The following C18orf63 variants were observed in gnomAD, a reference collection of about 807,000 sequenced individuals.
C18orf63 encodes the protein chromosome 18 open reading frame 63.
A neutral mutation model predicts 75.3 loss-of-function variants in C18orf63; 50 were observed. That is an observed-to-expected ratio of 0.66 (90% CI 0.53 to 0.84). The LOEUF (loss-of-function observed/expected upper bound fraction) is 0.84, where lower values mean the gene tolerates loss of function less well. C18orf63 is among the 40% of genes least tolerant of loss of function. C18orf63 has a pLI of 0.00. For synonymous variants in C18orf63, 232 were observed against 267.6 expected (o/e 0.87, Z 1.30); for missense variants, 732 against 800.2 (o/e 0.91, Z 1.03).
Position 74,327,996 on chromosome 18 carries a change from C to G in C18orf63, c.320C>G (p.Ser107Ter). The change falls in exon 5 of 14, where the codon TCA becomes TGA. Residue 107 changes from serine to a stop codon, truncating the protein, a stop_gained. Transcript: ENST00000579455. LOFTEE classifies it high-confidence loss of function. ...CCTGTAATTCTTCAGAACTGCCTGTCATATTCATTCATGGCTAGACTTGCT... is the reference window on the plus strand; with the variant it reads ...CCTGTAATTCTTCAGAACTGCCTGTGATATTCATTCATGGCTAGACTTGCT... ...VIPVILQNCL[S>*]YSFMARLAPA... 1 of 1,535,646 alleles carries G rather than the reference C, an allele frequency of 6.5e-7. No individual in the cohort carries two copies. Among genetic ancestry groups the G allele is most frequent in the South Asian group, 1.2e-5 (1 of 84,040 alleles).
At chr18:74,333,849 A>G (rs546717181) in intron 7 of C18orf63, among the ~76,000 whole-genome samples, 2 of 152,282 alleles carry the variant, frequency 1.3e-5, no homozygotes, top group East Asian at 3.9e-4. Context: ...GGGCAATAAC[A>G]TTCCTCTCCT....
At chr18:74,334,315 G>A (rs1984356474) in intron 7 of C18orf63, among the ~76,000 whole-genome samples, 1 of 151,750 alleles carries the variant, frequency 6.6e-6, no homozygotes, top group African/African-American at 2.4e-5. Flanking sequence ...AAGCAGAAGG[G>A]GAAAGAGGAA....
At chr18:74,330,777 A>G (rs1036345592) in intron 6 of C18orf63, 89 bp from the exon 7 acceptor site, 1 of 534,926 alleles carries the variant, frequency 1.9e-6, no homozygotes, top group Non-Finnish European at 3.2e-6. Context: ...TTTGACTTGA[A>G]TAAGTTAGTT....
intron 3 of C18orf63, among the ~76,000 whole-genome samples, chr18:74,321,139 T>C (rs908395812): frequency 7.2e-5 from 11 of 152,348 alleles, no homozygotes; most frequent in Middle Eastern, 6.8e-3. Flanking sequence ...TCAAAAATCT[T>C]CCTGGAAATT....
intron 3 of C18orf63, 35 bp downstream of exon 3, chr18:74,320,626 T>C: frequency 8.1e-7 from 1 of 1,241,642 alleles, no homozygotes; most frequent in Non-Finnish European, 1.1e-6. Context: ...ATGTTATTAC[T>C]AGTTGAGAAC....
chr18:74,345,297 A>G (rs1367492462), intron 11 of C18orf63, among the ~76,000 whole-genome samples: 1 of 151,924 alleles, frequency 6.6e-6, no homozygotes, highest in African/African-American at 2.4e-5. Flanking sequence ...TCAGTTATAC[A>G]TAATTATCTT....
chr18:74,334,765 T>C (rs1307867370), intron 7 of C18orf63, among the ~76,000 whole-genome samples: 3 of 152,154 alleles, frequency 2.0e-5, no homozygotes, highest in South Asian at 2.1e-4. Flanking sequence ...ATGGCCTCCA[T>C]TGACTATAAG....
intron 2 of C18orf63, among the ~76,000 whole-genome samples, chr18:74,318,264 C>T (rs914498004): frequency 6.6e-6 from 1 of 152,148 alleles, no homozygotes; most frequent in Admixed American, 6.5e-5. Flanking sequence ...AAAATCTCCA[C>T]AGACATTCAT....
intron 11 of C18orf63, among the ~76,000 whole-genome samples, chr18:74,349,455 G>C (rs1984629803): frequency 6.6e-6 from 1 of 152,116 alleles, no homozygotes; most frequent in Admixed American, 6.5e-5. Context: ...TGGCTTGTTA[G>C]GAACCAGGCC....
At chr18:74,328,105 T>A (rs1984239755) in intron 5 of C18orf63, 47 bp downstream of exon 5, 1 of 1,092,992 alleles carries the variant, frequency 9.1e-7, no homozygotes, top group Non-Finnish European at 1.3e-6. Flanking sequence ...CTAGATTACG[T>A]CTGTTATGTG....
At chr18:74,327,705 G>C (rs1157323913) in intron 4 of C18orf63, among the ~76,000 whole-genome samples, 1 of 152,134 alleles carries the variant, frequency 6.6e-6, no homozygotes, top group Non-Finnish European at 1.5e-5. Context: ...TACTGGCCAG[G>C]GTCAGCAGGT....
At chr18:74,318,789 CAGAA>C (rs1984070846) in intron 2 of C18orf63, among the ~76,000 whole-genome samples, 3 of 93,644 alleles carry the variant, frequency 3.2e-5, no homozygotes, top group African/African-American at 3.9e-5. Flanking sequence ...GACTCTGTCT[CAGAA>C]AAAAAAAAAA....
At chr18:74,349,936 C>A (rs1984638678) in intron 11 of C18orf63, among the ~76,000 whole-genome samples, 1 of 152,112 alleles carries the variant, frequency 6.6e-6, no homozygotes, top group Admixed American at 6.6e-5. Context: ...ACATCCAAAC[C>A]CTAGCTGCAA....
At chr18:74,354,873 A>G (rs1351473002) in intron 13 of C18orf63, among the ~76,000 whole-genome samples, 1 of 152,232 alleles carries the variant, frequency 6.6e-6, no homozygotes. Flanking sequence ...TTGAACAGCT[A>G]CTACAATATC....
chr18:74,319,328 C>A (rs780766896), intron 2 of C18orf63, among the ~76,000 whole-genome samples: 5 of 151,402 alleles, frequency 3.3e-5, no homozygotes, highest in Non-Finnish European at 7.4e-5. Flanking sequence ...GCAGGCCTTG[C>A]CAAGGCAAGT....
chr18:74,338,630 T>C (rs1984430200), intron 7 of C18orf63, 85 bp from the exon 8 acceptor site: 1 of 495,264 alleles, frequency 2.0e-6, no homozygotes, highest in Non-Finnish European at 3.4e-6. Flanking sequence ...ACCTACTGTG[T>C]GTGTGTAACA....
chr18:74,350,839 C>T (rs746679929), intron 11 of C18orf63, among the ~76,000 whole-genome samples: 3 of 152,086 alleles, frequency 2.0e-5, no homozygotes, highest in Admixed American at 1.3e-4. Flanking sequence ...TGTGTTTCTC[C>T]AAAATTTAAA....
intron 11 of C18orf63, among the ~76,000 whole-genome samples, chr18:74,349,789 C>T (rs1984636326): frequency 1.3e-5 from 2 of 152,154 alleles, no homozygotes; most frequent in Non-Finnish European, 1.5e-5. Flanking sequence ...TGCTCCCCTA[C>T]ACTTAAGCTG....
chr18:74,332,013 A>C (rs150473361), intron 7 of C18orf63, among the ~76,000 whole-genome samples: 131 of 152,290 alleles, frequency 8.6e-4, no homozygotes, highest in African/African-American at 3.0e-3. Context: ...TCTTGGACTG[A>C]TGAGGAACCT....
Sources: allele counts gnomAD v4.1 joint callset (sites outside exome capture counted in the v4.1 genomes callset), GRCh38; gene constraint gnomAD v4.1.1; transcripts MANE v1.5; gene names NCBI Gene and HGNC (gene_info 2026-07-23, HGNC 2026-07-21).